LINC01488: variants seen among roughly 807,000 people sequenced by gnomAD.
LINC01488 encodes long independently transcribed non-coding RNA 1488, also known as CCND1-upstream intergenic DNA repair 1.
intron 1 of LINC01488, among the ~76,000 whole-genome samples, chr11:69,483,455 G>T (rs1857066819): frequency 6.6e-6 from 1 of 152,190 alleles, no homozygotes; most frequent in Non-Finnish European, 1.5e-5. Flanking sequence ...AGGATAAAAT[G>T]AGGGACATTC....
chr11:69,482,918 C>A (rs1565191437), intron 1 of LINC01488, among the ~76,000 whole-genome samples: 2 of 152,100 alleles, frequency 1.3e-5, no homozygotes, highest in Admixed American at 6.5e-5. Context: ...TATGAGGATG[C>A]CAGTCATATT....
intron 1 of LINC01488, chr11:69,481,796 AC>A (rs1857050417): frequency 6.6e-6 from 1 of 152,288 alleles, no homozygotes; most frequent in African/African-American, 2.4e-5. Context: ...AAGGTCTCTA[AC>A]AGCTTTGAGA....
At chr11:69,485,949 C>T (rs958520568) in intron 1 of LINC01488, 1 of 152,236 alleles carries the variant, frequency 6.6e-6, no homozygotes, top group Non-Finnish European at 1.5e-5. Context: ...GTGAGTACCT[C>T]TCGCCGAGGC....
At chr11:69,485,254 G>C (rs889222777) in intron 1 of LINC01488, among the ~76,000 whole-genome samples, 1 of 152,212 alleles carries the variant, frequency 6.6e-6, no homozygotes. Context: ...GATGGAGCCA[G>C]GAGTTGGACC....
At chr11:69,483,874 C>T (rs974181042) in intron 1 of LINC01488, among the ~76,000 whole-genome samples, 3 of 152,198 alleles carry the variant, frequency 2.0e-5, no homozygotes, top group South Asian at 2.1e-4. Flanking sequence ...GGGTGCCTCC[C>T]GGTGGGCTGG....
At chr11:69,486,603 T>TG (rs143090291) in intron 1 of LINC01488, among the ~76,000 whole-genome samples, 2 of 152,186 alleles carry the variant, frequency 1.3e-5, no homozygotes, top group Admixed American at 6.5e-5. Flanking sequence ...CTCGCTGTCC[T>TG]GGGGGGTCTT....
exon 1 of LINC01488, chr11:69,481,733 C>A (rs2134964024): frequency 6.6e-6 from 1 of 152,428 alleles, no homozygotes. Flanking sequence ...CCTGAGGACA[C>A]CTGCAGGAGA....
chr11:69,485,323 G>A (rs1857098465), intron 1 of LINC01488, among the ~76,000 whole-genome samples: 1 of 152,216 alleles, frequency 6.6e-6, no homozygotes, highest in African/African-American at 2.4e-5. Flanking sequence ...AGCTGGAGGG[G>A]AGAATAAATG....
intron 2 of LINC01488, chr11:69,490,934 G>A (rs1371329989): frequency 6.7e-6 from 1 of 149,074 alleles, no homozygotes; most frequent in Non-Finnish European, 1.5e-5. Context: ...CTGCGACTCT[G>A]CCCAAGCAAG....
At chr11:69,486,848 T>C (rs948402795) in intron 1 of LINC01488, among the ~76,000 whole-genome samples, 1 of 151,992 alleles carries the variant, frequency 6.6e-6, no homozygotes, top group Non-Finnish European at 1.5e-5. Flanking sequence ...GCCCTGCTCC[T>C]GGCCCTGCCC....
intron 1 of LINC01488, among the ~76,000 whole-genome samples, chr11:69,487,683 C>G (rs1415769258): frequency 6.6e-6 from 1 of 152,154 alleles, no homozygotes; most frequent in Non-Finnish European, 1.5e-5. Flanking sequence ...AGGGTGCTCC[C>G]CAGGCAGGTG....
Position 69,488,593 on chromosome 11 carries a change from G to T in LINC01488, n.123-1902G>T, listed in dbSNP as rs554369199. ...GCTGGGCAGGGGCAGTTAATGGACCGGCCCGGGGTGGGCCCCACACAATGG... is the reference window on the plus strand; with the variant it reads ...GCTGGGCAGGGGCAGTTAATGGACCTGCCCGGGGTGGGCCCCACACAATGG... On this transcript the variant is annotated intron_variant and non_coding_transcript_variant, in intron 1 of 3. Transcript: ENST00000644563. Among the ~76,000 whole-genome samples the T allele has an allele frequency of 8.1e-3, 1,231 of 152,330 alleles. 18 individuals carry two copies. The highest frequency in any genetic ancestry group is 0.028 in the African/African-American group (1,153 of 41,588).
intron 1 of LINC01488, among the ~76,000 whole-genome samples, chr11:69,483,771 T>C (rs1857071090): frequency 6.6e-6 from 1 of 152,148 alleles, no homozygotes; most frequent in Non-Finnish European, 1.5e-5. Flanking sequence ...TTACAGCATT[T>C]GTTGGAGCAT....
chr11:69,492,724 A>T (rs745521941), exon 4 of LINC01488: 1 of 152,182 alleles, frequency 6.6e-6, no homozygotes. Context: ...AAGCCACTGC[A>T]ATTGTGGTAT....
chr11:69,485,550 G>A (rs1368936027), intron 1 of LINC01488: 6 of 152,420 alleles, frequency 3.9e-5, no homozygotes, highest in African/African-American at 1.2e-4. Flanking sequence ...TTGGCCATAG[G>A]CTCTGGCTTG....
chr11:69,488,928 G>A (rs2134973265), intron 1 of LINC01488, among the ~76,000 whole-genome samples: 1 of 152,344 alleles, frequency 6.6e-6, no homozygotes, highest in Non-Finnish European at 1.5e-5. Context: ...CCTTGGTTTT[G>A]CATTCCCACA....
chr11:69,483,484 G>A (rs1456993328), intron 1 of LINC01488, among the ~76,000 whole-genome samples: 1 of 152,218 alleles, frequency 6.6e-6, no homozygotes, highest in Non-Finnish European at 1.5e-5. Flanking sequence ...TTGGAACAGT[G>A]CTGACCCCTA....
At chr11:69,487,662 T>C (rs951750181) in intron 1 of LINC01488, among the ~76,000 whole-genome samples, 31 of 152,158 alleles carry the variant, frequency 2.0e-4, no homozygotes, top group African/African-American at 6.8e-4. Flanking sequence ...AGGGGACCAG[T>C]GTGGCACAGC....
intron 1 of LINC01488, among the ~76,000 whole-genome samples, chr11:69,488,522 G>A (rs974078681): frequency 1.2e-4 from 18 of 152,250 alleles, no homozygotes; most frequent in African/African-American, 4.3e-4. Flanking sequence ...CACGGCAACA[G>A]GAGGGTACAG....
Sources: gnomAD v4.1 joint callset for allele counts (sites outside exome capture counted in the v4.1 genomes callset) on GRCh38, gnomAD v4.1.1 for gene constraint, MANE v1.5 for transcripts, NCBI Gene and HGNC (gene_info 2026-07-23, HGNC 2026-07-21) for gene names.